MCHR2: variants seen among roughly 807,000 people sequenced by gnomAD.
MCHR2 encodes the protein melanin-concentrating hormone receptor 2.
A neutral mutation model predicts 24.8 loss-of-function variants in MCHR2; 15 were observed. The observed-to-expected ratio is 0.60, with a 90% CI of 0.40 to 0.93. MCHR2 has a LOEUF of 0.93. Among genes scored for constraint, MCHR2 ranks in the 40% least tolerant of loss-of-function variants. The pLI is 0.00. For synonymous variants in MCHR2, 151 were observed against 147.6 expected (o/e 1.02, Z -0.17); for missense variants, 386 against 408.7 (o/e 0.94, Z 0.48).
chr6:99,964,506 CCTT>C (rs1332790744), intron 1 of MCHR2, among the ~76,000 whole-genome samples: 16 of 152,090 alleles, frequency 1.1e-4, no homozygotes, highest in African/African-American at 2.7e-4. Flanking sequence ...GAAGCAGGCA[CCTT>C]CTTCACAGGG....
intron 1 of MCHR2, among the ~76,000 whole-genome samples, chr6:99,975,437 G>T (rs1775529217): frequency 6.6e-6 from 1 of 152,178 alleles, no homozygotes; most frequent in Non-Finnish European, 1.5e-5. Flanking sequence ...GCAGTATTAG[G>T]GTGGGGGTGA....
At chr6:99,991,965 C>A (rs1310542193) in intron 1 of MCHR2, among the ~76,000 whole-genome samples, 1 of 152,182 alleles carries the variant, frequency 6.6e-6, no homozygotes, top group East Asian at 1.9e-4. Context: ...AATTTCCCCA[C>A]CTGTATATAT....
At chr6:99,949,548 A>G (rs749564141) in intron 2 of MCHR2, among the ~76,000 whole-genome samples, 1 of 152,082 alleles carries the variant, frequency 6.6e-6, no homozygotes, top group Non-Finnish European at 1.5e-5. Flanking sequence ...TGTGAACTTC[A>G]TTTCTCAGCT....
intron 1 of MCHR2, among the ~76,000 whole-genome samples, chr6:99,975,784 A>T (rs561419334): frequency 6.6e-6 from 1 of 152,370 alleles, no homozygotes; most frequent in South Asian, 2.1e-4. Context: ...CCATCTCCTT[A>T]GGATAAGTAG....
chr6:99,928,936 T>C (rs1173515339), intron 5 of MCHR2, among the ~76,000 whole-genome samples: 2 of 152,198 alleles, frequency 1.3e-5, no homozygotes, highest in Non-Finnish European at 2.9e-5. Flanking sequence ...TGTTAGGGTG[T>C]CAATTTTGGA....
chr6:99,929,937 C>T (rs1378062426), intron 5 of MCHR2, among the ~76,000 whole-genome samples: 22 of 150,382 alleles, frequency 1.5e-4, no homozygotes, highest in African/African-American at 3.2e-4. Flanking sequence ...CTAGCCTCGA[C>T]GGTCTTTACA....
At chr6:99,954,548 C>A (rs982390404) in intron 2 of MCHR2, among the ~76,000 whole-genome samples, 1 of 152,136 alleles carries the variant, frequency 6.6e-6, no homozygotes, top group Non-Finnish European at 1.5e-5. Flanking sequence ...ACCCTCCCAG[C>A]CCCCTTCAGC....
intron 1 of MCHR2, among the ~76,000 whole-genome samples, chr6:99,991,051 C>A (rs1775862667): frequency 1.3e-5 from 2 of 151,610 alleles, no homozygotes; most frequent in East Asian, 1.9e-4. Flanking sequence ...AGGGTGGTAA[C>A]CCCAGGGAGA....
chr6:99,962,665 A>T (rs1171042771), intron 1 of MCHR2, among the ~76,000 whole-genome samples: 1 of 152,130 alleles, frequency 6.6e-6, no homozygotes. Context: ...CATAGGGGAA[A>T]TCTTCATGAT....
At chr6:99,988,071 A>C (rs774148128) in intron 1 of MCHR2, among the ~76,000 whole-genome samples, 2 of 152,194 alleles carry the variant, frequency 1.3e-5, no homozygotes, top group Non-Finnish European at 1.5e-5. Context: ...GATTCATTGC[A>C]AGAGTTTTCT....
In MCHR2 at chr6:99,929,844, A is replaced by G. The variant is rs540378353; in HGVS notation, c.707+4554T>C. Among the ~76,000 whole-genome samples, 319 of 149,240 alleles carry G rather than the reference A, an allele frequency of 2.1e-3. 4 individuals carry two copies. The highest frequency in any genetic ancestry group is 7.4e-3 in the African/African-American group (304 of 40,930). On this transcript the variant is annotated intron_variant, in intron 5 of 5. Transcript: ENST00000281806. ...GAGCATTTAGTCCATTTACATTTAA[A>G]GTTAATATTGTTATGTGTGAATTTG...
chr6:99,930,199 G>A (rs1377458714), intron 5 of MCHR2, among the ~76,000 whole-genome samples: 12 of 152,182 alleles, frequency 7.9e-5, no homozygotes, highest in Admixed American at 4.6e-4. Context: ...GGTTTCTGCC[G>A]AGAGATCCGC....
intron 1 of MCHR2, among the ~76,000 whole-genome samples, chr6:99,986,347 G>T (rs184215366): frequency 6.6e-6 from 1 of 152,040 alleles, no homozygotes; most frequent in Non-Finnish European, 1.5e-5. Context: ...AAGAAATCAT[G>T]TATCAAAAAG....
chr6:99,930,171 C>A (rs1277573643), intron 5 of MCHR2, among the ~76,000 whole-genome samples: 4 of 152,344 alleles, frequency 2.6e-5, no homozygotes, highest in African/African-American at 9.6e-5. Context: ...TTGGCCCTCA[C>A]TTTCTCCTGG....
intron 2 of MCHR2, among the ~76,000 whole-genome samples, chr6:99,950,277 C>G (rs1223218549): frequency 5.9e-5 from 9 of 152,086 alleles, no homozygotes; most frequent in Non-Finnish European, 1.5e-5. Flanking sequence ...CTGAAAGCAA[C>G]AGCATCAAAA....
chr6:99,947,495 A>AT lies in MCHR2; in HGVS notation c.392+266dup, dbSNP rs889638421. On this transcript the variant is annotated intron_variant, in intron 3 of 5. Transcript: ENST00000281806. The stretch of plus-strand genomic sequence containing the variant: ...GTTTCTAATATTTCCTGGTTTTGTG[A>AT]TTTTTTTTTCTTGCACTGAATTGCA... Among the ~76,000 whole-genome samples, 252 of 151,644 alleles carry AT rather than the reference A, an allele frequency of 1.7e-3. 2 individuals are homozygous for AT. Among genetic ancestry groups the AT allele is most frequent in the African/African-American group, 5.3e-3 (219 of 41,352 alleles).
chr6:99,927,154 A>G (rs967625806), intron 5 of MCHR2, among the ~76,000 whole-genome samples: 2 of 151,882 alleles, frequency 1.3e-5, no homozygotes, highest in African/African-American at 2.4e-5. Context: ...GTAGATATGC[A>G]GTGTTATTTC....
At chr6:99,951,817 A>G (rs1774971034) in intron 2 of MCHR2, among the ~76,000 whole-genome samples, 1 of 152,162 alleles carries the variant, frequency 6.6e-6, no homozygotes, top group Admixed American at 6.5e-5. Context: ...ACCATTAGAC[A>G]GTATTCCTCT....
intron 5 of MCHR2, among the ~76,000 whole-genome samples, chr6:99,926,573 G>C (rs927551604): frequency 3.3e-5 from 5 of 152,148 alleles, no homozygotes; most frequent in Non-Finnish European, 5.9e-5. Context: ...ATTTGCATTT[G>C]TCTGAGGCCC....
Sources: gnomAD v4.1 joint callset for allele counts (sites outside exome capture counted in the v4.1 genomes callset) on GRCh38, gnomAD v4.1.1 for gene constraint, MANE v1.5 for transcripts, NCBI Gene and HGNC (gene_info 2026-07-23, HGNC 2026-07-21) for gene names.